Variants in SPRED1 observed in about 807,000 individuals in gnomAD.
SPRED1 encodes the protein sprouty-related, EVH1 domain-containing protein 1.
Under a neutral mutation model 52.3 loss-of-function variants are expected in SPRED1, and 18 were observed. That is an observed-to-expected ratio of 0.34 (90% CI 0.24 to 0.51). The LOEUF is 0.51. SPRED1 is among the 20% of genes least tolerant of loss of function. SPRED1 has a pLI of 0.97. For synonymous variants in SPRED1, 155 were observed against 179.7 expected (o/e 0.86, Z 1.10); for missense variants, 485 against 551.0 (o/e 0.88, Z 1.20).
intron 1 of SPRED1, among the ~76,000 whole-genome samples, chr15:38,292,978 A>T (rs1036283787): frequency 6.6e-6 from 1 of 152,196 alleles, no homozygotes; most frequent in African/African-American, 2.4e-5. Flanking sequence ...GCAAAATGCT[A>T]AGAAATCTAC....
At chr15:38,285,488 G>A (rs8040796) in intron 1 of SPRED1, among the ~76,000 whole-genome samples, 125,575 of 152,142 alleles carry the variant, frequency 0.83, 52,577 homozygotes, top group Non-Finnish European at 0.9. Flanking sequence ...GAATATCTGG[G>A]AAGGGGTTTA....
At chr15:38,325,001 T>G (rs1418520541) in intron 4 of SPRED1, among the ~76,000 whole-genome samples, 192 bp downstream of exon 4, 2 of 152,158 alleles carry the variant, frequency 1.3e-5, no homozygotes, top group Admixed American at 1.3e-4. Context: ...TGTTCCAAAA[T>G]CTGAAACTTT....
At chr15:38,307,392 T>C (rs544872348) in intron 2 of SPRED1, among the ~76,000 whole-genome samples, 1 of 152,304 alleles carries the variant, frequency 6.6e-6, no homozygotes, top group East Asian at 1.9e-4. Flanking sequence ...TTTCTGTTTC[T>C]GGTGTGGGCT....
At chr15:38,286,244 A>AAG (rs1350142255) in intron 1 of SPRED1, among the ~76,000 whole-genome samples, 1 of 151,570 alleles carries the variant, frequency 6.6e-6, no homozygotes, top group Non-Finnish European at 1.5e-5. Flanking sequence ...AAAAAAAAAA[A>AAG]AAAAGTTTTG....
chr15:38,304,753 A>G (rs919503413), intron 2 of SPRED1, among the ~76,000 whole-genome samples: 1 of 152,066 alleles, frequency 6.6e-6, no homozygotes. Context: ...CATTTGAGGA[A>G]TTTTATAATT....
chr15:38,305,343 A>C (rs77423489), intron 2 of SPRED1, among the ~76,000 whole-genome samples: 1 of 11,458 alleles, frequency 8.7e-5, no homozygotes, highest in African/African-American at 1.2e-4. Flanking sequence ...AATAAAAAAC[A>C]AAAAAAAAAA....
rs1888634755 is a variant in SPRED1 at position 38,356,951 on chromosome 15, G to C, written c.*5287G>C. On this transcript the variant is annotated 3_prime_UTR_variant, in exon 7 of 7. Coordinates refer to ENST00000299084, the MANE Select transcript of SPRED1 (RefSeq NM_152594.3). ...TCTTTACCATTAATTATGAAATGTAGTCTCATGTGCTTATTTACAGGTTTT... is the reference window on the plus strand; with the variant it reads ...TCTTTACCATTAATTATGAAATGTACTCTCATGTGCTTATTTACAGGTTTT... 1 of 152,092 alleles carries C rather than the reference G, an allele frequency of 6.6e-6. No individual in the cohort carries two copies. The highest frequency in any genetic ancestry group is 2.4e-5 in the African/African-American group (1 of 41,438). The allele number at this position is 152,092 out of a possible 1,614,324, so 9.4% of individuals were successfully genotyped here.
intron 4 of SPRED1, among the ~76,000 whole-genome samples, chr15:38,336,879 C>T (rs2141005545): frequency 6.6e-6 from 1 of 152,126 alleles, no homozygotes; most frequent in Middle Eastern, 3.4e-3. Context: ...CAGAAATCAC[C>T]ACTAAAGAAC....
chr15:38,305,338 A>G (rs1358774173), intron 2 of SPRED1, among the ~76,000 whole-genome samples: 1 of 72,004 alleles, frequency 1.4e-5, no homozygotes, highest in Non-Finnish European at 3.4e-5. Context: ...CAAAAAATAA[A>G]AAACAAAAAA....
intron 5 of SPRED1, among the ~76,000 whole-genome samples, chr15:38,347,729 A>G (rs570140254): frequency 6.6e-6 from 1 of 151,780 alleles, no homozygotes; most frequent in African/African-American, 2.4e-5. Flanking sequence ...TCTTTGTACC[A>G]TTTTTGTTGT....
intron 1 of SPRED1, among the ~76,000 whole-genome samples, chr15:38,277,880 T>G (rs1390831668): frequency 6.6e-6 from 1 of 150,660 alleles, no homozygotes; most frequent in African/African-American, 2.4e-5. Flanking sequence ...GAGCATTTTT[T>G]CATGTGTTTA....
intron 4 of SPRED1, among the ~76,000 whole-genome samples, chr15:38,337,653 A>G (rs1895948328): frequency 6.6e-6 from 1 of 152,146 alleles, no homozygotes. Flanking sequence ...AATTTACAGG[A>G]TATAAATAGA....
At chr15:38,318,907 A>T (rs1895544558) in intron 2 of SPRED1, among the ~76,000 whole-genome samples, 1 of 152,160 alleles carries the variant, frequency 6.6e-6, no homozygotes, top group South Asian at 2.1e-4. Flanking sequence ...GCTTGAACTT[A>T]TTTTTAAAAC....
intron 1 of SPRED1, among the ~76,000 whole-genome samples, chr15:38,276,692 A>G (rs1460996787): frequency 6.6e-6 from 1 of 152,148 alleles, no homozygotes; most frequent in African/African-American, 2.4e-5. Flanking sequence ...TTGTGGATGT[A>G]TTTTGTTCAG....
intron 5 of SPRED1, among the ~76,000 whole-genome samples, chr15:38,342,668 T>C (rs1896053113): frequency 6.6e-6 from 1 of 152,118 alleles, no homozygotes; most frequent in Non-Finnish European, 1.5e-5. Context: ...AAAGATGTAA[T>C]ACCATTGAGA....
chr15:38,265,542 T>C (rs116257755), intron 1 of SPRED1, among the ~76,000 whole-genome samples: 221 of 152,218 alleles, frequency 1.5e-3, no homozygotes, highest in African/African-American at 5.1e-3. Context: ...AAAATTTTCT[T>C]CCATGTTCTG....
At chr15:38,285,935 T>C (rs1365021610) in intron 1 of SPRED1, among the ~76,000 whole-genome samples, 1 of 152,194 alleles carries the variant, frequency 6.6e-6, no homozygotes, top group Admixed American at 6.5e-5. Context: ...TTCATGCCCT[T>C]TATACCCTTA....
chr15:38,354,712 T>C lies in SPRED1; in HGVS notation c.*3048T>C, dbSNP rs943871647. On this transcript the variant is annotated 3_prime_UTR_variant, in exon 7 of 7. Coordinates refer to ENST00000299084, the MANE Select transcript of SPRED1 (RefSeq NM_152594.3). ...TGGCTTGCTGAAAGATTTTAAGCAC[T>C]TTTTTCTTACATATCCTGTTTTAAA... 2 of 152,198 alleles carry C rather than the reference T, an allele frequency of 1.3e-5. No homozygotes were observed. Among genetic ancestry groups the C allele is most frequent in the African/African-American group, 4.8e-5 (2 of 41,462 alleles). 9.4% of individuals were successfully genotyped at this position (152,198 alleles called of 1,614,324 possible). A position where few individuals can be genotyped will look rare whatever the true frequency, so the allele number is the denominator to read the frequency against.
chr15:38,305,209 G>A (rs1409779752), intron 2 of SPRED1, among the ~76,000 whole-genome samples: 2 of 152,024 alleles, frequency 1.3e-5, no homozygotes, highest in Non-Finnish European at 2.9e-5. Flanking sequence ...GCAGACACCT[G>A]TAATCCCAGC....
Sources: allele counts gnomAD v4.1 joint callset (sites outside exome capture counted in the v4.1 genomes callset), GRCh38; gene constraint gnomAD v4.1.1; transcripts MANE v1.5; gene names NCBI Gene and HGNC (gene_info 2026-07-23, HGNC 2026-07-21).